Variants in CHST12 observed in about 807,000 individuals in gnomAD.
CHST12 encodes carbohydrate (chondroitin 4) sulfotransferase 12.
In CHST12, 23 loss-of-function variants were observed where a neutral mutation model predicts 27.9. The ratio of observed to expected loss-of-function variants is 0.82; its 90% CI spans 0.59 to 1.17. The LOEUF is 1.17. Ranked by LOEUF, CHST12 falls within the 50% of genes most tolerant of loss-of-function variation. The pLI is 0.00. For synonymous variants in CHST12, 322 were observed against 273.0 expected (o/e 1.18, Z -1.77); for missense variants, 682 against 603.0 (o/e 1.13, Z -1.37).
At chr7:2,417,703 C>T (rs1781847221) in intron 1 of CHST12, among the ~76,000 whole-genome samples, 1 of 152,116 alleles carries the variant, frequency 6.6e-6, no homozygotes, top group African/African-American at 2.4e-5. Context: ...CTCCACTTTT[C>T]TGTTGTACTT....
rs957160573 is a variant in CHST12, at chr7:2,433,688, C to G, written c.1049C>G (p.Ala350Gly). 4.3e-6 allele frequency: 7 copies of G among 1,613,380 alleles called. No individual in the cohort carries two copies. The highest frequency in any genetic ancestry group is 5.9e-6 in the Non-Finnish European group (7 of 1,179,708). ...GKLETLDEDA[A>G]QLLQLLQVDR... ...CTGGAGACTCTGGACGAGGACGCCG[C>G]GCAGCTGCTGCAGCTACTCCAGGTG... Residue 350 changes from alanine (A) to glycine (G), a missense_variant, in exon 2 of 2, where the codon GCG becomes GGG. Transcript: ENST00000618655. This position sits in a 1 kb window ranked among gnomAD's most constrained non-coding sequence, Gnocchi z 6.1.
chr7:2,411,289 G>T (rs919892590), intron 1 of CHST12, among the ~76,000 whole-genome samples: 1 of 151,852 alleles, frequency 6.6e-6, no homozygotes, highest in African/African-American at 2.4e-5. Flanking sequence ...GGTATGTTGC[G>T]CAAGCTGATC....
At chr7:2,424,619 A>T (rs1175799229) in intron 1 of CHST12, among the ~76,000 whole-genome samples, 1 of 152,110 alleles carries the variant, frequency 6.6e-6, no homozygotes, top group Admixed American at 6.5e-5. Flanking sequence ...GGGAACAGAG[A>T]TCTTACTACA....
At chr7:2,428,501 CG>C (rs1002951860) in intron 1 of CHST12, among the ~76,000 whole-genome samples, 11 of 152,076 alleles carry the variant, frequency 7.2e-5, no homozygotes, top group African/African-American at 2.7e-4. Context: ...AAGCTGGGTC[CG>C]GGGGGTGACC....
In CHST12 at chr7:2,433,071, C is replaced by T. The variant is rs1217748733; in HGVS notation, c.432C>T (p.Arg144=). Residue 144 remains arginine, a synonymous_variant, in exon 2 of 2, where the codon CGC becomes CGT. Transcript: ENST00000618655. This position sits in a 1 kb window ranked among gnomAD's most constrained non-coding sequence, Gnocchi z 6.1. ...GCCTGGCCTTCCCCACCAAGGAGCG[C>T]GCATTCGACGACATCCCCAACTCGG... ...NSSLAFPTKE[R]AFDDIPNSEL... 19 of 1,612,144 alleles carry T rather than the reference C, an allele frequency of 1.2e-5. No homozygotes were observed. The highest frequency in any genetic ancestry group is 1.6e-4 in the Middle Eastern group (1 of 6,084).
At chr7:2,404,414 A>C (rs936861799) in intron 1 of CHST12, among the ~76,000 whole-genome samples, 2 of 152,058 alleles carry the variant, frequency 1.3e-5, no homozygotes, top group Non-Finnish European at 2.9e-5. Flanking sequence ...TGTTTCCAGC[A>C]TTATTAAATT....
Position 2,433,151 on chromosome 7 carries a change from C to G in CHST12, c.512C>G (p.Pro171Arg), listed in dbSNP as rs1782343351. 1 of 1,612,784 alleles carries G rather than the reference C, an allele frequency of 6.2e-7. No individual in the cohort carries two copies. The highest frequency in any genetic ancestry group is 8.5e-7 in the Non-Finnish European group (1 of 1,179,520). ...CACGGGGCCATCTACTGCTACGTGC[C>G]CAAGGTGGCCTGCACCAACTGGAAG... Reference protein sequence around the residue: ...DRHGAIYCYVPKVACTNWKRV... With the variant: ...DRHGAIYCYVRKVACTNWKRV... Residue 171 changes from proline (P) to arginine (R), a missense_variant, in exon 2 of 2, where the codon CCC becomes CGC. Coordinates refer to ENST00000618655, the MANE Select transcript of CHST12 (RefSeq NM_018641.5). This position sits in a 1 kb window ranked among gnomAD's most constrained non-coding sequence, Gnocchi z 6.1.
At chr7:2,416,951 AAAG>A (rs1386103032) in intron 1 of CHST12, among the ~76,000 whole-genome samples, 1 of 152,240 alleles carries the variant, frequency 6.6e-6, no homozygotes, top group Non-Finnish European at 1.5e-5. Context: ...CTGGGAAAGA[AAAG>A]AAGGCAGCTT....
At position 2,438,421 on chromosome 7, in the gene CHST12, G is replaced by C. The variant is rs748059272; in HGVS notation, c.*4537G>C. On this transcript the variant is annotated 3_prime_UTR_variant, in exon 2 of 2. Coordinates refer to ENST00000618655, the MANE Select transcript of CHST12 (RefSeq NM_018641.5). Reference sequence around the variant, plus strand: ...CTTGGCAGAGAGCTGGGGACGCTCTGTTCTCATTGGCAGCCCCACCCTGAA... The same window carrying C: ...CTTGGCAGAGAGCTGGGGACGCTCTCTTCTCATTGGCAGCCCCACCCTGAA... The C allele has an allele frequency of 6.6e-6, 1 of 152,196 alleles. No individual in the cohort carries two copies. Among genetic ancestry groups the C allele is most frequent in the African/African-American group, 2.4e-5 (1 of 41,422 alleles). The allele number at this position is 152,196 out of a possible 1,614,324, so 9.4% of individuals were successfully genotyped here.
intron 1 of CHST12, among the ~76,000 whole-genome samples, chr7:2,407,550 G>A (rs1044614461): frequency 1.3e-5 from 2 of 152,144 alleles, no homozygotes; most frequent in African/African-American, 2.4e-5. Flanking sequence ...AAACTTTCTG[G>A]GTTAAAGAGG....
chr7:2,412,892 TAGAC>T (rs966738623), intron 1 of CHST12, among the ~76,000 whole-genome samples: 5 of 146,964 alleles, frequency 3.4e-5, no homozygotes, highest in African/African-American at 5.2e-5. Context: ...AATTTGCAAA[TAGAC>T]AGTTTTTTTT....
At chr7:2,425,691 C>CTTTTTTTTTTTTTT (rs760502452) in intron 1 of CHST12, among the ~76,000 whole-genome samples, 15 of 137,870 alleles carry the variant, frequency 1.1e-4, no homozygotes, top group South Asian at 7.0e-4. Flanking sequence ...ACTGCATTTG[C>CTTTTTTTTTTTTTT]TTTTTTTTTT....
intron 1 of CHST12, among the ~76,000 whole-genome samples, chr7:2,428,803 G>A (rs1219341008): frequency 1.3e-5 from 2 of 152,198 alleles, no homozygotes; most frequent in Non-Finnish European, 2.9e-5. Context: ...AGCAGTAATA[G>A]TTGCAGCAAA....
At chr7:2,415,480 C>T (rs150110596) in intron 1 of CHST12, among the ~76,000 whole-genome samples, 3 of 152,062 alleles carry the variant, frequency 2.0e-5, no homozygotes, top group African/African-American at 7.2e-5. Flanking sequence ...CTAAAAAATG[C>T]TAACAATTAT....
At chr7:2,415,352 C>T (rs1008010242) in intron 1 of CHST12, among the ~76,000 whole-genome samples, 6 of 145,978 alleles carry the variant, frequency 4.1e-5, no homozygotes, top group Admixed American at 6.9e-5. Context: ...ATGACAACAG[C>T]GAAACTCTGC....
rs753432390 is a variant in CHST12 at position 2,433,716 on chromosome 7, C to T, written c.1077C>T (p.Asp359=). The part of the protein sequence containing the change: ...AAQLLQLLQV[D]RQLRFPPSYR... ...AGCTGCTGCAGCTACTCCAGGTGGA[C>T]CGGCAGCTCCGCTTCCCCCCGAGCT... is the stretch of plus-strand genomic sequence containing the variant. The change falls in exon 2 of 2, where the codon GAC becomes GAT. Residue 359 remains aspartate, a synonymous_variant. Transcript: ENST00000618655. This position sits in a 1 kb window ranked among gnomAD's most constrained non-coding sequence, Gnocchi z 6.1. The T allele has an allele frequency of 6.2e-7, 1 of 1,613,512 alleles. No individual in the cohort carries two copies. Among genetic ancestry groups the T allele is most frequent in the South Asian group, 1.1e-5 (1 of 91,058 alleles).
chr7:2,428,321 A>C (rs1457159293), intron 1 of CHST12, among the ~76,000 whole-genome samples: 1 of 151,556 alleles, frequency 6.6e-6, no homozygotes, highest in African/African-American at 2.4e-5. Flanking sequence ...CAGCCTCCTG[A>C]GTATCTGGGA....
At chr7:2,419,174 C>T (rs901494155) in intron 1 of CHST12, among the ~76,000 whole-genome samples, 2 of 152,034 alleles carry the variant, frequency 1.3e-5, no homozygotes, top group African/African-American at 4.8e-5. Context: ...TTTGGGAGGC[C>T]GAGGCAGGTA....
In CHST12 at chr7:2,448,311, AG is replaced by A. The variant is rs1782805123; in HGVS notation, c.*14428del. The A allele has an allele frequency of 6.6e-6, 1 of 152,190 alleles. No homozygotes were observed. Among genetic ancestry groups the A allele is most frequent in the Non-Finnish European group, 1.5e-5 (1 of 68,054 alleles). 9.4% of individuals were successfully genotyped at this position (152,190 alleles called of 1,614,324 possible). A position where few individuals can be genotyped will look rare whatever the true frequency, so the allele number is the denominator to read the frequency against. ...TTGAATGGCGGGCTCCCTCTCCCAT[AG>A]CCCCTGCCAGGCTGGATAACCAACT... On this transcript the variant is annotated 3_prime_UTR_variant, in exon 2 of 2. Coordinates refer to ENST00000618655, the MANE Select transcript of CHST12 (RefSeq NM_018641.5).
Sources: gnomAD v4.1 joint callset for allele counts (sites outside exome capture counted in the v4.1 genomes callset) on GRCh38, gnomAD v4.1.1 for gene constraint, Gnocchi (gnomAD v3.1) non-coding constraint, MANE v1.5 for transcripts, NCBI Gene and HGNC (gene_info 2026-07-23, HGNC 2026-07-21) for gene names.